TCEA2: variants seen among roughly 807,000 people sequenced by gnomAD.
TCEA2 encodes transcription elongation factor A protein 2.
Under a neutral mutation model 40.8 loss-of-function variants are expected in TCEA2, and 21 were observed. The observed-to-expected ratio is 0.51, with a 90% CI of 0.36 to 0.74. The LOEUF is 0.74. Ranked by LOEUF, TCEA2 falls within the 30% of genes least tolerant of loss-of-function variation. The pLI is 0.00. For synonymous variants in TCEA2, 165 were observed against 162.7 expected, an observed-to-expected ratio of 1.01 and a Z score of -0.11; for missense variants, 326 against 426.5, an observed-to-expected ratio of 0.76 and a Z score of 2.08.
upstream of TCEA2, chr20:64,063,131 G>T (rs1386808881): frequency 5.2e-6 from 2 of 388,132 alleles, no homozygotes; most frequent in Non-Finnish European, 4.1e-6. Flanking sequence ...CGGGCGCGTG[G>T]ACTACGCATC....
At chr20:64,059,822 C>T (rs1312424703), upstream of TCEA2, among the ~76,000 whole-genome samples, 3 of 152,126 alleles carry the variant, frequency 2.0e-5, no homozygotes, top group African/African-American at 7.2e-5. Context: ...CTGGTTGGGC[C>T]GGCCTGGGGA....
chr20:64,064,049 T>A (rs928515670), intron 1 of TCEA2: 2 of 152,420 alleles, frequency 1.3e-5, no homozygotes, highest in African/African-American at 4.8e-5. Context: ...GTCTTGCCTG[T>A]GGGCCCATTT....
At chr20:64,069,692 G>A in intron 5 of TCEA2, 73 bp from the exon 6 acceptor site, 1 of 1,565,358 alleles carries the variant, frequency 6.4e-7, no homozygotes, top group South Asian at 1.2e-5. Context: ...AAGCTGCCAG[G>A]GTGTTTTGCA....
chr20:64,059,205 A>G (rs900425615), upstream of TCEA2, among the ~76,000 whole-genome samples: 1 of 146,298 alleles, frequency 6.8e-6, no homozygotes, highest in African/African-American at 2.8e-5. Flanking sequence ...AAAAAAAAAA[A>G]AAAAAAAAAA....
At chr20:64,072,068 G>C (rs2059852012) in intron 9 of TCEA2, 104 bp from the exon 10 acceptor site, 10 of 1,595,936 alleles carry the variant, frequency 6.3e-6, no homozygotes, top group African/African-American at 1.3e-5. Context: ...GGAGTCTTGG[G>C]CATGGTGGGT....
At chr20:64,060,261 GCTTGA>G (rs2059536787), upstream of TCEA2, among the ~76,000 whole-genome samples, 1 of 152,174 alleles carries the variant, frequency 6.6e-6, no homozygotes, top group Non-Finnish European at 1.5e-5. Context: ...CCCACCCCCA[GCTTGA>G]GGGCTGGCTT....
At chr20:64,063,186 G>A (rs1390456050), upstream of TCEA2, 31 of 812,796 alleles carry the variant, frequency 3.8e-5, no homozygotes, top group Non-Finnish European at 4.8e-5. Context: ...TTGAACCGGG[G>A]GTCTGTCGTC....
intron 4 of TCEA2, among the ~76,000 whole-genome samples, chr20:64,068,527 GCGGGGGCCAACTCCC>G (rs2145493656): frequency 6.6e-6 from 1 of 152,346 alleles, no homozygotes; most frequent in South Asian, 2.1e-4. Flanking sequence ...AGAACCAAAG[GCGGGGGCCAACTCCC>G]CTCCTGCCCT....
At chr20:64,071,563 G>A (rs529741724) in intron 8 of TCEA2, among the ~76,000 whole-genome samples, 8 of 152,276 alleles carry the variant, frequency 5.3e-5, no homozygotes, top group Admixed American at 4.6e-4. Context: ...GAAGGCAGCC[G>A]CGGGCACTGG....
At chr20:64,069,306 C>T (rs113298497) in intron 4 of TCEA2, 55 bp from the exon 5 acceptor site, 21,465 of 1,515,812 alleles carry the variant, frequency 0.014, 432 homozygotes, top group African/African-American at 0.094. Context: ...ACCAGTGTCT[C>T]GCTGGGGTGC....
chr20:64,066,453 G>A, intron 1 of TCEA2, 23 bp from the exon 2 acceptor site: 1 of 1,612,762 alleles, frequency 6.2e-7, no homozygotes, highest in Non-Finnish European at 8.5e-7. Flanking sequence ...AGTCCTTTAT[G>A]AAGGTCCTCC....
At chr20:64,069,924 C>T in intron 6 of TCEA2, 103 bp downstream of exon 6, 1 of 1,404,050 alleles carries the variant, frequency 7.1e-7, no homozygotes, top group East Asian at 2.3e-5. Flanking sequence ...GCCCAGCTGT[C>T]CAGGGGTCAC....
chr20:64,070,808 G>A (rs969597357), intron 8 of TCEA2, among the ~76,000 whole-genome samples, 173 bp downstream of exon 8: 2 of 152,252 alleles, frequency 1.3e-5, no homozygotes, highest in African/African-American at 4.8e-5. Flanking sequence ...CCTCTACCCA[G>A]GACCTCTGGG....
intron 6 of TCEA2, 75 bp downstream of exon 6, chr20:64,069,896 T>A: frequency 1.3e-6 from 2 of 1,561,054 alleles, no homozygotes; most frequent in Non-Finnish European, 1.8e-6. Context: ...TGCCCTCTGG[T>A]GGCTGCTGGA....
In TCEA2 at chr20:64,067,007, G is replaced by C; in HGVS notation, c.228G>C (p.Trp76Cys). 1 of 1,612,714 alleles carries C rather than the reference G, an allele frequency of 6.2e-7. No homozygotes were observed. The highest frequency in any genetic ancestry group is 8.5e-7 in the Non-Finnish European group (1 of 1,179,466). ...TGGCCAAGTCTCTCATCAAGTCCTG[G>C]AAGAAGCTCCTGGGTGCGGCTCAGG... ...IALAKSLIKS[W>C]KKLLDASDAK... The change falls in exon 3 of 10, where the codon TGG becomes TGC. Residue 76 changes from tryptophan (W) to cysteine (C), a missense_variant. Physicochemically the swap from Trp to Cys is radical, Grantham distance 215. Coordinates refer to ENST00000343484, the MANE Select transcript of TCEA2 (RefSeq NM_003195.6).
intron 1 of TCEA2, among the ~76,000 whole-genome samples, chr20:64,064,867 G>A (rs1273516186): frequency 2.0e-5 from 3 of 152,044 alleles, no homozygotes; most frequent in Non-Finnish European, 4.4e-5. Flanking sequence ...ACCCGAGAAT[G>A]GAGTTGTTCC....
At chr20:64,069,273 C>A in intron 4 of TCEA2, 88 bp from the exon 5 acceptor site, 1 of 1,476,338 alleles carries the variant, frequency 6.8e-7, no homozygotes, top group Non-Finnish European at 9.0e-7. Context: ...GGGGATTATG[C>A]TGTGGCACCT....
intron 4 of TCEA2, among the ~76,000 whole-genome samples, chr20:64,068,467 C>T (rs1180002880): frequency 2.0e-5 from 3 of 152,238 alleles, no homozygotes; most frequent in Non-Finnish European, 4.4e-5. Flanking sequence ...CTCTGGCTTC[C>T]CCCTCAGCCT....
In TCEA2 at chr20:64,072,312, C is replaced by T. The variant is rs1244221328; in HGVS notation, c.*132C>T. On this transcript the variant is annotated 3_prime_UTR_variant, in exon 10 of 10. Coordinates refer to ENST00000343484, the MANE Select transcript of TCEA2 (RefSeq NM_003195.6). ...GCCTGCCTGGATTGCACCTTTCTGC[C>T]CTTTCCCCCTCATTATTAAATGTTT... 5 of 959,938 alleles carry T rather than the reference C, an allele frequency of 5.2e-6. No homozygotes were observed. The South Asian group carries it at 6.2e-5, about 12-fold the overall frequency. 59.5% of individuals were successfully genotyped at this position (959,938 alleles called of 1,614,324 possible).
Sources: allele counts gnomAD v4.1 joint callset (sites outside exome capture counted in the v4.1 genomes callset), GRCh38; gene constraint gnomAD v4.1.1; transcripts MANE v1.5; gene names NCBI Gene and HGNC (gene_info 2026-07-23, HGNC 2026-07-21).